CFAP77: variants seen among roughly 807,000 people sequenced by gnomAD.
CFAP77 encodes cilia and flagella associated protein 77, also known as cilia- and flagella-associated protein 77.
In CFAP77, 25 loss-of-function variants were observed where a neutral mutation model predicts 31.1. That is an observed-to-expected ratio of 0.80 (90% confidence interval 0.59 to 1.12). The LOEUF (loss-of-function observed/expected upper bound fraction) is 1.12, where lower values mean the gene tolerates loss of function less well. Ranked by LOEUF, CFAP77 falls within the 50% of genes most tolerant of loss-of-function variation. CFAP77 has a pLI of 0.00. For synonymous variants in CFAP77, 151 were observed against 159.9 expected (o/e 0.94, Z 0.42); for missense variants, 377 against 397.3 (o/e 0.95, Z 0.44).
intron 1 of CFAP77, among the ~76,000 whole-genome samples, chr9:132,412,672 T>C (rs765886457): frequency 1.3e-4 from 20 of 152,162 alleles, no homozygotes; most frequent in South Asian, 4.1e-4. Context: ...AGAGATTGGG[T>C]TTGCAGCTTC....
intron 3 of CFAP77, among the ~76,000 whole-genome samples, chr9:132,529,832 AAAAAAG>A (rs1216581816): frequency 6.7e-5 from 10 of 149,556 alleles, no homozygotes; most frequent in Admixed American, 4.0e-4. Context: ...CTCAAAAAAA[AAAAAAG>A]AAAAGAAAAG....
intron 4 of CFAP77, 125 bp downstream of exon 4, chr9:132,537,831 G>C: frequency 1.4e-6 from 1 of 699,694 alleles, no homozygotes; most frequent in Non-Finnish European, 2.5e-6. Context: ...GGGAAATCAG[G>C]TTGCATCTTC....
intron 3 of CFAP77, among the ~76,000 whole-genome samples, chr9:132,519,064 G>A (rs921468867): frequency 2.6e-5 from 4 of 152,058 alleles, no homozygotes; most frequent in African/African-American, 9.7e-5. Flanking sequence ...TGTGAGGATG[G>A]TTATTTCTGC....
intron 1 of CFAP77, among the ~76,000 whole-genome samples, chr9:132,462,929 C>T (rs1851084159): frequency 6.6e-6 from 1 of 151,422 alleles, no homozygotes; most frequent in Non-Finnish European, 1.5e-5. Flanking sequence ...GGGTCTGTCT[C>T]TCCAGCACCA....
intron 3 of CFAP77, among the ~76,000 whole-genome samples, chr9:132,534,044 T>C (rs1852503429): frequency 6.6e-6 from 1 of 152,190 alleles, no homozygotes; most frequent in South Asian, 2.1e-4. Flanking sequence ...TTTGTCACTG[T>C]CAGTGATGTC....
rs554788509 is a variant in CFAP77 at position 132,511,550 on chromosome 9, G to A, written c.524+11950G>A. Among the ~76,000 whole-genome samples, 24 of 152,336 alleles carry A rather than the reference G, an allele frequency of 1.6e-4. No homozygotes were observed. In the South Asian group the frequency reaches 2.3e-3, roughly 14 times the overall value. ...CAGTAAACGCTTGTTGACTGACTGC[G>A]TGAGAGGGAACAGATTGCTCAAATG... On this transcript the variant is annotated intron_variant, in intron 3 of 5. Transcript: ENST00000393216. This position sits in a 1 kb window ranked among gnomAD's most constrained non-coding sequence, Gnocchi z 5.8.
At chr9:132,462,161 C>T (rs899766531) in intron 1 of CFAP77, among the ~76,000 whole-genome samples, 2 of 152,142 alleles carry the variant, frequency 1.3e-5, no homozygotes, top group Non-Finnish European at 2.9e-5. Context: ...TGTTTACAAA[C>T]CGCAGTCTTG....
At chr9:132,522,837 A>G (rs1852292202) in intron 3 of CFAP77, among the ~76,000 whole-genome samples, 2 of 152,168 alleles carry the variant, frequency 1.3e-5, no homozygotes, top group Admixed American at 6.5e-5. Flanking sequence ...TGTGCATGGT[A>G]GGCGGAGCTG....
intron 1 of CFAP77, among the ~76,000 whole-genome samples, chr9:132,427,821 C>T (rs535686300): frequency 6.6e-6 from 1 of 152,266 alleles, no homozygotes; most frequent in Admixed American, 6.5e-5. Flanking sequence ...CAACTGTCTC[C>T]TGCAGTATCA....
rs547682985 is a variant in CFAP77 at position 132,537,399 on chromosome 9, C to T, written c.525-202C>T. Among the ~76,000 whole-genome samples the T allele has an allele frequency of 5.3e-5, 8 of 152,266 alleles. No homozygotes were observed. In the East Asian group the frequency reaches 7.7e-4, roughly 15 times the overall value. On this transcript the variant is annotated intron_variant, in intron 3 of 5. Transcript: ENST00000393216. ...CTGGTCAAGGAGGGAGTCCTACCAC[C>T]GTCCCAGGCCCACCACTCATCAGCC...
intron 1 of CFAP77, among the ~76,000 whole-genome samples, chr9:132,446,834 A>G (rs1850729375): frequency 6.6e-6 from 1 of 151,522 alleles, no homozygotes; most frequent in Admixed American, 6.6e-5. Flanking sequence ...TTTCAACATC[A>G]TCTCATTTAA....
intron 1 of CFAP77, among the ~76,000 whole-genome samples, chr9:132,472,904 T>C (rs1851284051): frequency 6.6e-6 from 1 of 152,198 alleles, no homozygotes; most frequent in South Asian, 2.1e-4. Context: ...CTTAGTCCGT[T>C]TTGTGTTGCT....
At chr9:132,419,559 T>C (rs1850172693) in intron 1 of CFAP77, among the ~76,000 whole-genome samples, 1 of 152,258 alleles carries the variant, frequency 6.6e-6, no homozygotes, top group Admixed American at 6.5e-5. Flanking sequence ...TTAATTTTAC[T>C]GGACAATAGT....
At chr9:132,440,947 G>C (rs879551030) in intron 1 of CFAP77, among the ~76,000 whole-genome samples, 1 of 152,144 alleles carries the variant, frequency 6.6e-6, no homozygotes, top group Admixed American at 6.5e-5. Context: ...GATGCAACCT[G>C]TGTGTGTGTT....
chr9:132,524,761 G>A (rs1015792857), intron 3 of CFAP77, among the ~76,000 whole-genome samples: 1 of 151,688 alleles, frequency 6.6e-6, no homozygotes, highest in Non-Finnish European at 1.5e-5. Context: ...CCATTCTCCT[G>A]CGTCAGCCTC....
chr9:132,463,196 G>A (rs1851090832), intron 1 of CFAP77, among the ~76,000 whole-genome samples: 1 of 152,192 alleles, frequency 6.6e-6, no homozygotes, highest in Non-Finnish European at 1.5e-5. Context: ...CTTTGCGAAA[G>A]GCACTTTTCA....
chr9:132,471,450 C>G (rs932523494), intron 1 of CFAP77, among the ~76,000 whole-genome samples: 8 of 151,994 alleles, frequency 5.3e-5, no homozygotes, highest in Non-Finnish European at 7.4e-5. Context: ...AGGACCCCCC[C>G]CCACCGTTGC....
intron 3 of CFAP77, among the ~76,000 whole-genome samples, chr9:132,531,366 C>T (rs1408510727): frequency 2.0e-5 from 3 of 152,320 alleles, no homozygotes; most frequent in East Asian, 1.9e-4. Flanking sequence ...AATGAATGAG[C>T]GCCCCCCGCG....
rs1479452780 is a variant in CFAP77 at position 132,498,716 on chromosome 9, G to A, written c.217G>A (p.Glu73Lys). 6.2e-7 allele frequency: 1 copy of A among 1,612,232 alleles called. No individual in the cohort carries two copies. The highest frequency in any genetic ancestry group is 1.1e-5 in the South Asian group (1 of 90,586). Reference protein sequence around the residue: ...IVKAELGKPRERSYSLPGINF... With the variant: ...IVKAELGKPRKRSYSLPGINF... ...ACAGGCTGAACTCGGCAAGCCCCGGGAAAGAAGCTACAGTCTGCCCGGCAT... is the reference window on the plus strand; with the variant it reads ...ACAGGCTGAACTCGGCAAGCCCCGGAAAAGAAGCTACAGTCTGCCCGGCAT... Residue 73 changes from glutamate (E) to lysine (K), a missense_variant, in exon 2 of 6, where the codon GAA becomes AAA. Coordinates refer to ENST00000393216, the MANE Select transcript of CFAP77 (RefSeq NM_001282957.2). The surrounding 1 kb of genome is among the most constrained non-coding windows in gnomAD (Gnocchi z 4.2).
Sources: gnomAD v4.1 joint callset for allele counts (sites outside exome capture counted in the v4.1 genomes callset) on GRCh38, gnomAD v4.1.1 for gene constraint, Gnocchi (gnomAD v3.1) non-coding constraint, MANE v1.5 for transcripts, NCBI Gene and HGNC (gene_info 2026-07-23, HGNC 2026-07-21) for gene names.